The following CHODL variants were observed in gnomAD, a reference collection of about 807,000 sequenced individuals.
CHODL encodes the protein chondrolectin, also known as transmembrane protein MT75.
A neutral mutation model predicts 34.5 loss-of-function variants in CHODL; 29 were observed. That is an observed-to-expected ratio of 0.84 (90% CI 0.63 to 1.15). The LOEUF is 1.15. CHODL is among the 50% of genes most tolerant of loss of function. CHODL has a pLI of 0.00. For synonymous variants in CHODL, 125 were observed against 116.1 expected, an observed-to-expected ratio of 1.08 and a Z score of -0.49; for missense variants, 332 against 332.5, an observed-to-expected ratio of 1.00 and a Z score of 0.01.
intron 1 of CHODL, among the ~76,000 whole-genome samples, chr21:17,929,618 C>T (rs1187845073): frequency 1.3e-5 from 2 of 152,224 alleles, no homozygotes; most frequent in Admixed American, 1.3e-4. Flanking sequence ...GAGTGAGCAA[C>T]CCCTGGGGCC....
chr21:17,987,634 AAT>A (rs1007412719), intron 1 of CHODL, among the ~76,000 whole-genome samples: 10 of 152,190 alleles, frequency 6.6e-5, no homozygotes, highest in African/African-American at 2.4e-4. Flanking sequence ...TTTAAAAAGT[AAT>A]ATATATTCAT....
At chr21:17,961,089 C>A (rs568172098) in intron 1 of CHODL, among the ~76,000 whole-genome samples, 1 of 152,286 alleles carries the variant, frequency 6.6e-6, no homozygotes, top group Non-Finnish European at 1.5e-5. Context: ...CTAATAGTAT[C>A]TGCTACATAG....
chr21:18,223,677 T>A (rs2073904971), intron 2 of CHODL, among the ~76,000 whole-genome samples: 1 of 151,974 alleles, frequency 6.6e-6, no homozygotes, highest in South Asian at 2.1e-4. Context: ...CATGGTGACC[T>A]CAAACCCACC....
intron 2 of CHODL, among the ~76,000 whole-genome samples, chr21:18,081,856 A>T (rs2064946316): frequency 6.6e-6 from 1 of 152,168 alleles, no homozygotes; most frequent in African/African-American, 2.4e-5. Context: ...GAGGAATTTT[A>T]TCACAAAGCA....
At chr21:18,131,143 CAGAG>C (rs983990745) in intron 2 of CHODL, among the ~76,000 whole-genome samples, 3 of 151,672 alleles carry the variant, frequency 2.0e-5, no homozygotes, top group East Asian at 1.9e-4. Flanking sequence ...GAGAGAGAGA[CAGAG>C]AGAGCAGAGA....
intron 1 of CHODL, among the ~76,000 whole-genome samples, chr21:17,968,807 T>G (rs2063593003): frequency 6.6e-6 from 1 of 152,212 alleles, no homozygotes. Context: ...TTATTCTTAC[T>G]GTTGATTCCC....
In CHODL at chr21:17,942,717, C is replaced by T. The variant is rs529663446; in HGVS notation, c.-145+25317C>T. ...TGTCCATGTGGGTAAGCAATGGTTT[C>T]GTATTAGTCAATAAAACCCAAATAG... On this transcript the variant is annotated intron_variant, in intron 1 of 6. Transcript: ENST00000400127. 2.6e-5 allele frequency among the ~76,000 whole-genome samples: 4 copies of T among 152,128 alleles called. No homozygotes were observed. In the East Asian group the frequency reaches 5.8e-4, roughly 22 times the overall value.
At chr21:18,159,818 A>G (rs2073075630) in intron 2 of CHODL, among the ~76,000 whole-genome samples, 1 of 151,984 alleles carries the variant, frequency 6.6e-6, no homozygotes, top group Non-Finnish European at 1.5e-5. Flanking sequence ...CATGAGAAGG[A>G]TTCGACCTGC....
chr21:18,261,375 A>G (rs985885000), intron 4 of CHODL, among the ~76,000 whole-genome samples: 2 of 150,560 alleles, frequency 1.3e-5, no homozygotes, highest in African/African-American at 4.9e-5. Context: ...AAAAAAAAAA[A>G]GATCAGTAGG....
At chr21:18,165,690 C>T (rs909260) in intron 2 of CHODL, among the ~76,000 whole-genome samples, 111,884 of 152,066 alleles carry the variant, frequency 0.74, 43,124 homozygotes, top group Non-Finnish European at 0.87. Flanking sequence ...CAAACGGTGT[C>T]ACTTCTGTTG....
At chr21:18,218,539 T>G (rs1037925330) in intron 2 of CHODL, among the ~76,000 whole-genome samples, 1 of 152,182 alleles carries the variant, frequency 6.6e-6, no homozygotes, top group African/African-American at 2.4e-5. Context: ...CAAAGGTCCC[T>G]GACATACCCT....
intron 2 of CHODL, among the ~76,000 whole-genome samples, chr21:18,084,381 C>T (rs1197297866): frequency 6.6e-6 from 1 of 152,052 alleles, no homozygotes; most frequent in Non-Finnish European, 1.5e-5. Context: ...GATCTTTCTA[C>T]TTTTTTGACG....
intron 1 of CHODL, among the ~76,000 whole-genome samples, chr21:17,957,860 T>C (rs1338674690): frequency 1.3e-5 from 2 of 151,882 alleles, no homozygotes; most frequent in Non-Finnish European, 2.9e-5. Flanking sequence ...GGAGTGTCTG[T>C]TTGACCTTAC....
chr21:18,144,660 G>T (rs921746417), intron 2 of CHODL, among the ~76,000 whole-genome samples: 1 of 151,908 alleles, frequency 6.6e-6, no homozygotes, highest in Non-Finnish European at 1.5e-5. Context: ...ATTGCATCAG[G>T]TTATATTGTT....
chr21:18,174,160 T>TATATATATAA (rs2073276014), intron 2 of CHODL, among the ~76,000 whole-genome samples: 1 of 114,924 alleles, frequency 8.7e-6, no homozygotes. Flanking sequence ...TATATATATA[T>TATATATATAA]AAAATCAAGT....
rs527289072 is a variant in CHODL, at chr21:18,060,365, G to A, written c.-45+32394G>A. On this transcript the variant is annotated intron_variant, in intron 2 of 6. Coordinates refer to the CHODL transcript ENST00000400127. ...AGCTACTTGGGAGGCTGATGCGGGA[G>A]GATCACTTGAAAAGGTCGAGGCTGC... Among the ~76,000 whole-genome samples, 157 of 152,052 alleles carry A rather than the reference G, an allele frequency of 1.0e-3. 1 individual carries two copies. The highest frequency in any genetic ancestry group is 3.6e-3 in the African/African-American group (148 of 41,450).
At chr21:18,207,701 T>C (rs1308274454) in intron 2 of CHODL, among the ~76,000 whole-genome samples, 1 of 149,226 alleles carries the variant, frequency 6.7e-6, no homozygotes, top group Non-Finnish European at 1.5e-5. Flanking sequence ...TCTTTATTTA[T>C]CTTTCATGTT....
chr21:17,997,332 T>A (rs575045590), intron 1 of CHODL, among the ~76,000 whole-genome samples: 1 of 152,358 alleles, frequency 6.6e-6, no homozygotes, highest in African/African-American at 2.4e-5. Flanking sequence ...GGCTTCTGCC[T>A]TTTCTCTGTC....
In CHODL at chr21:17,997,982, A is replaced by T. The variant is rs1380744280; in HGVS notation, c.-144-29890A>T. 2.0e-5 allele frequency among the ~76,000 whole-genome samples: 3 copies of T among 152,214 alleles called. No individual in the cohort carries two copies. In the South Asian group the frequency reaches 6.2e-4, roughly 32 times the overall value. ...CCCCAAAGTCTTAACTCATTTCAGC[A>T]TTAACTTAAAAGTCCACAGTCCAAA... On this transcript the variant is annotated intron_variant, in intron 1 of 6. Transcript: ENST00000400127.
Sources: allele counts gnomAD v4.1 joint callset (sites outside exome capture counted in the v4.1 genomes callset), GRCh38; gene constraint gnomAD v4.1.1; transcripts MANE v1.5; gene names NCBI Gene and HGNC (gene_info 2026-07-23, HGNC 2026-07-21).